HSF5: variants seen among roughly 807,000 people sequenced by gnomAD.
HSF5 encodes the protein heat shock factor protein 5.
A neutral mutation model predicts 50.8 loss-of-function variants in HSF5; 5 were observed. The ratio of observed to expected loss-of-function variants is 0.10; its 90% CI spans 0.05 to 0.21. HSF5 has a LOEUF of 0.21. Ranked by LOEUF, HSF5 falls within the 10% of genes least tolerant of loss-of-function variation. HSF5 has a pLI of 1.00. For missense variants in HSF5, 564 were observed against 762.6 expected, an observed-to-expected ratio of 0.74 and a Z score of 3.07; for synonymous variants, 307 against 307.4, an observed-to-expected ratio of 1.00 and a Z score of 0.02.
Position 58,487,717 on chromosome 17 carries a change from G to C in HSF5, c.550+8C>G. 7.2e-7 allele frequency: 1 copy of C among 1,391,134 alleles called. No individual in the cohort carries two copies. The highest frequency in any genetic ancestry group is 1.8e-5 in the South Asian group (1 of 56,688). 86.2% of individuals were successfully genotyped at this position (1,391,134 alleles called of 1,614,324 possible). A position where few individuals can be genotyped will look rare whatever the true frequency, so the allele number is the denominator to read the frequency against. ...CTGTGGGCGAGGGCACGGGCAGTCC[G>C]GACTCACCGTGCGGCTCGGGCCGGG... On this transcript the variant is annotated splice_region_variant and intron_variant, in intron 1 of 5. Transcript: ENST00000323777.
chr17:58,471,991 C>T lies in HSF5; in HGVS notation c.926-5012G>A, dbSNP rs558447906. Among the ~76,000 whole-genome samples, 5 of 152,148 alleles carry T rather than the reference C, an allele frequency of 3.3e-5. No homozygotes were observed. The East Asian group carries it at 9.7e-4, about 30-fold the overall frequency. ...GCCTCAGCCTCCCAAGTAGCTGGGA[C>T]TACAGGTGTGCGCCACCATGCCTGG... On this transcript the variant is annotated intron_variant, in intron 2 of 5. Coordinates refer to ENST00000323777, the MANE Select transcript of HSF5 (RefSeq NM_001080439.3).
intron 5 of HSF5, among the ~76,000 whole-genome samples, chr17:58,443,743 C>T (rs1974525182): frequency 6.6e-6 from 1 of 152,164 alleles, no homozygotes; most frequent in Non-Finnish European, 1.5e-5. Flanking sequence ...TATACCCAAA[C>T]TTATATAAGA....
chr17:58,434,203 G>A (rs1974398004), intron 5 of HSF5, among the ~76,000 whole-genome samples: 3 of 151,968 alleles, frequency 2.0e-5, no homozygotes, highest in Admixed American at 1.3e-4. Flanking sequence ...GTGAGCCACT[G>A]TGCCTGGCCC....
At chr17:58,482,981 C>G (rs1361867434) in intron 1 of HSF5, among the ~76,000 whole-genome samples, 1 of 151,340 alleles carries the variant, frequency 6.6e-6, no homozygotes, top group Non-Finnish European at 1.5e-5. Context: ...TTTTACGCTG[C>G]TTGACTAGCA....
At chr17:58,485,996 G>T (rs1975172432) in intron 1 of HSF5, among the ~76,000 whole-genome samples, 1 of 152,004 alleles carries the variant, frequency 6.6e-6, no homozygotes, top group Admixed American at 6.5e-5. Context: ...TTGAACCCGG[G>T]AGGCAGAGGT....
intron 2 of HSF5, among the ~76,000 whole-genome samples, chr17:58,475,062 CCTTTT>C (rs1974994133): frequency 6.6e-6 from 1 of 152,140 alleles, no homozygotes; most frequent in African/African-American, 2.4e-5. Flanking sequence ...GTAATTCCCT[CCTTTT>C]CTTTTCAACG....
Position 58,458,926 on chromosome 17 carries a change from C to T in HSF5, c.1562G>A (p.Cys521Tyr). Reference protein sequence around the residue: ...STHQVDANIKCQTSSRENILP... With the variant: ...STHQVDANIKYQTSSRENILP... ...GATATTCTCACGTGAACTGGTCTGG[C>T]ATTTTATGTTGGCATCCACCTAAAA... is the stretch of plus-strand genomic sequence containing the variant. Residue 521 changes from cysteine to tyrosine, a missense_variant, in exon 5 of 6, where the codon TGC becomes TAC. Transcript: ENST00000323777. 6.2e-7 allele frequency: 1 copy of T among 1,609,630 alleles called. No individual in the cohort carries two copies.
Position 58,429,719 on chromosome 17 carries a change from G to A in HSF5, c.1721-7289C>T, listed in dbSNP as rs1228303915. On this transcript the variant is annotated intron_variant, in intron 5 of 5. Transcript: ENST00000323777. ...AAATCAGCCGGGCATGGTGGCGGGCGCCTGTAATCCCAGCTGCTTGGGAGG... is the reference window on the plus strand; with the variant it reads ...AAATCAGCCGGGCATGGTGGCGGGCACCTGTAATCCCAGCTGCTTGGGAGG... Among the ~76,000 whole-genome samples the A allele has an allele frequency of 9.4e-5, 14 of 149,518 alleles. No individual in the cohort carries two copies. In the East Asian group the frequency reaches 2.4e-3, roughly 26 times the overall value.
At chr17:58,486,898 C>T (rs1183172346) in intron 1 of HSF5, among the ~76,000 whole-genome samples, 5 of 136,298 alleles carry the variant, frequency 3.7e-5, no homozygotes, top group African/African-American at 5.4e-5. Flanking sequence ...GTTCTAAGTT[C>T]TCTCTTTTTT....
intron 5 of HSF5, among the ~76,000 whole-genome samples, chr17:58,422,946 T>C (rs778508577): frequency 3.9e-5 from 6 of 152,180 alleles, no homozygotes; most frequent in South Asian, 2.1e-4. Flanking sequence ...TCCACACACC[T>C]TGGCCTCCCA....
intron 2 of HSF5, among the ~76,000 whole-genome samples, chr17:58,474,478 ACAT>A (rs1349356234): frequency 1.1e-4 from 16 of 152,182 alleles, no homozygotes; most frequent in African/African-American, 3.6e-4. Flanking sequence ...TACTATAAAA[ACAT>A]CAGCAGCACT....
chr17:58,436,365 G>A (rs1409099496), intron 5 of HSF5, among the ~76,000 whole-genome samples: 1 of 150,374 alleles, frequency 6.7e-6, no homozygotes, highest in Non-Finnish European at 1.5e-5. Flanking sequence ...TTTTAGCAGA[G>A]AGGTTCTAGC....
At chr17:58,438,995 T>C (rs987839698) in intron 5 of HSF5, among the ~76,000 whole-genome samples, 5 of 151,996 alleles carry the variant, frequency 3.3e-5, no homozygotes, top group Admixed American at 2.0e-4. Context: ...GGCATGTGCC[T>C]GTAGTCCCAG....
rs939792622 is a variant in HSF5, at chr17:58,487,829, G to A, written c.446C>T (p.Pro149Leu). 1.3e-6 allele frequency: 2 copies of A among 1,579,990 alleles called. No individual in the cohort carries two copies. Among genetic ancestry groups the A allele is most frequent in the African/African-American group, 1.4e-5 (1 of 72,568 alleles). Residue 149 changes from proline (P) to leucine (L), a missense_variant, in exon 1 of 6, where the codon CCC (proline) becomes CTC (leucine). By Grantham distance (98) the Pro-to-Leu change is moderately conservative (BLOSUM62 -3). Coordinates refer to ENST00000323777, the MANE Select transcript of HSF5 (RefSeq NM_001080439.3). ...AAGLEVPCRP[P>L]NRFQRLLITS... is the part of the protein sequence containing the mutation. The stretch of plus-strand genomic sequence containing the variant: ...GATGAGCAGCCGCTGGAAGCGGTTG[G>A]GCGGGCGGCAGGGCACCTCCAGGCC...
At position 58,479,333 on chromosome 17, in the gene HSF5, C is replaced by T. The variant is rs187534732; in HGVS notation, c.925+560G>A. 2.0e-5 allele frequency among the ~76,000 whole-genome samples: 3 copies of T among 152,152 alleles called. No individual in the cohort carries two copies. The East Asian group carries it at 5.8e-4, about 29-fold the overall frequency. The stretch of plus-strand genomic sequence containing the variant: ...TTGCTTTTTGTTTTTGAGACAGTCT[C>T]ACTCTGTCGTCCAGGATGGAATGCT... On this transcript the variant is annotated intron_variant, in intron 2 of 5. Transcript: ENST00000323777.
At chr17:58,437,416 A>G (rs1303629078) in intron 5 of HSF5, among the ~76,000 whole-genome samples, 1 of 152,172 alleles carries the variant, frequency 6.6e-6, no homozygotes, top group African/African-American at 2.4e-5. Context: ...TATTTAAACT[A>G]CTTTTAGTAT....
intron 5 of HSF5, among the ~76,000 whole-genome samples, chr17:58,445,144 T>C (rs1200786976): frequency 6.6e-6 from 1 of 152,196 alleles, no homozygotes. Context: ...ATTAAAACTA[T>C]TTTGCAATGT....
At chr17:58,441,530 G>A (rs1313538603) in intron 5 of HSF5, among the ~76,000 whole-genome samples, 1 of 152,034 alleles carries the variant, frequency 6.6e-6, no homozygotes, top group East Asian at 1.9e-4. Context: ...AGAAATCAAT[G>A]AAATAGAAAA....
chr17:58,422,675 C>T (rs889488553), intron 5 of HSF5, among the ~76,000 whole-genome samples: 7 of 150,056 alleles, frequency 4.7e-5, no homozygotes, highest in African/African-American at 1.7e-4. Flanking sequence ...ATAGCCAAGA[C>T]TCTTTTCACC....
Sources: allele counts gnomAD v4.1 joint callset (sites outside exome capture counted in the v4.1 genomes callset), GRCh38; gene constraint gnomAD v4.1.1; transcripts MANE v1.5; gene names NCBI Gene and HGNC (gene_info 2026-07-23, HGNC 2026-07-21).